The following SLC67A1 variants were observed in gnomAD, a reference collection of about 807,000 sequenced individuals.
SLC67A1 encodes the protein solute carrier family 67 member 1, also known as solute carrier family 67 member A1.
chr11:2,904,971 A>G, the SLC67A1 span, among the ~76,000 whole-genome samples: 4 of 152,290 alleles, frequency 2.6e-5, no homozygotes, highest in East Asian at 5.8e-4. Flanking sequence ...TGTGTTGTCA[A>G]TGGACTGTAG....
chr11:2,903,528 G>A, the SLC67A1 span: 5 of 1,608,334 alleles, frequency 3.1e-6, no homozygotes, highest in Non-Finnish European at 4.3e-6. Context: ...CCCAGCCAGG[G>A]CTGAACCGCT....
chr11:2,908,482 A>G, the SLC67A1 span: 1 of 598,774 alleles, frequency 1.7e-6, no homozygotes, highest in Non-Finnish European at 2.9e-6. Context: ...GGGGTGCAGA[A>G]GAACTTTGGC....
chr11:2,914,942 C>T, the SLC67A1 span: 8 of 985,296 alleles, frequency 8.1e-6, no homozygotes, highest in East Asian at 1.1e-4. Context: ...CGAGCCCAGC[C>T]GTTCCCCTTC....
At chr11:2,915,483 G>A in the SLC67A1 span, among the ~76,000 whole-genome samples, 1 of 152,100 alleles carries the variant, frequency 6.6e-6, no homozygotes, top group Non-Finnish European at 1.5e-5. Context: ...TTGAGGTTGG[G>A]GCAGAACTTG....
chr11:2,921,557 T>C, the SLC67A1 span: 1 of 162,308 alleles, frequency 6.2e-6, no homozygotes, highest in South Asian at 1.2e-4. Context: ...CGGCCAAGCC[T>C]GTCCCACCGA....
the SLC67A1 span, among the ~76,000 whole-genome samples, chr11:2,922,793 G>C: frequency 6.6e-6 from 1 of 152,116 alleles, no homozygotes; most frequent in African/African-American, 2.4e-5. Flanking sequence ...GCTGGGGGCA[G>C]GCCAGGGGCC....
chr11:2,920,986 C>A, the SLC67A1 span: 1 of 150,690 alleles, frequency 6.6e-6, no homozygotes, highest in South Asian at 2.1e-4. Flanking sequence ...TTTGGGAGAC[C>A]GAGGCGGGCG....
chr11:2,912,648 A>G, the SLC67A1 span, among the ~76,000 whole-genome samples: 6 of 152,242 alleles, frequency 3.9e-5, no homozygotes, highest in African/African-American at 1.4e-4. Context: ...GGGCACTGGT[A>G]TAACTGGTTT....
chr11:2,922,137 C>A, the SLC67A1 span: 2 of 1,613,536 alleles, frequency 1.2e-6, no homozygotes, highest in Non-Finnish European at 1.7e-6. Flanking sequence ...AGCTGAGCAG[C>A]CACTTCTCGG....
At chr11:2,907,083 G>A in the SLC67A1 span, among the ~76,000 whole-genome samples, 4 of 151,882 alleles carry the variant, frequency 2.6e-5, no homozygotes, top group African/African-American at 9.7e-5. This position sits in a 1 kb window ranked among gnomAD's most constrained non-coding sequence, Gnocchi z 6.7. Flanking sequence ...AGGAGTCTGG[G>A]GTTGGGGATG....
At chr11:2,917,848 T>C in the SLC67A1 span, 6 of 622,254 alleles carry the variant, frequency 9.6e-6, no homozygotes, top group African/African-American at 1.9e-5. Flanking sequence ...TTCCCACAAG[T>C]GAGCGGTGCT....
the SLC67A1 span, chr11:2,920,865 G>C: frequency 4.9e-4 from 75 of 152,276 alleles, no homozygotes; most frequent in African/African-American, 1.6e-3. Context: ...GTCCTTCACG[G>C]CACTCACTGT....
chr11:2,901,109 A>G, the SLC67A1 span, among the ~76,000 whole-genome samples: 4 of 152,186 alleles, frequency 2.6e-5, no homozygotes, highest in Non-Finnish European at 4.4e-5. Flanking sequence ...AGCTTCGGGG[A>G]AAATGGCACT....
At chr11:2,914,196 G>A in the SLC67A1 span, among the ~76,000 whole-genome samples, 1 of 152,244 alleles carries the variant, frequency 6.6e-6, no homozygotes, top group African/African-American at 2.4e-5. Context: ...AAGAGCAGGA[G>A]GAGACAAAGA....
chr11:2,923,958 GCTC>G, the SLC67A1 span, among the ~76,000 whole-genome samples: 3 of 152,186 alleles, frequency 2.0e-5, no homozygotes, highest in African/African-American at 4.8e-5. This position sits in a 1 kb window ranked among gnomAD's most constrained non-coding sequence, Gnocchi z 6.5. Context: ...GGCCTGGCCA[GCTC>G]CTCATCACAG....
At chr11:2,909,752 C>G in the SLC67A1 span, 1 of 1,420,252 alleles carries the variant, frequency 7.0e-7, no homozygotes. Context: ...GGTCAGGACG[C>G]CCGCGGCTGG....
At chr11:2,922,489 C>T in the SLC67A1 span, 23 of 1,612,828 alleles carry the variant, frequency 1.4e-5, no homozygotes, top group African/African-American at 2.7e-4. Context: ...GCCTGGTGTT[C>T]AGCCTCTGCA....
the SLC67A1 span, among the ~76,000 whole-genome samples, chr11:2,915,925 C>G: frequency 1.3e-5 from 2 of 152,240 alleles, no homozygotes; most frequent in East Asian, 3.8e-4. Context: ...GCCAAGTTTC[C>G]AGGTGGGGAC....
the SLC67A1 span, chr11:2,919,006 G>T: frequency 2.4e-4 from 91 of 375,168 alleles, no homozygotes; most frequent in South Asian, 5.2e-3. Context: ...ACAGAGAGCC[G>T]TGGTGGGTCT....
Sources: allele counts gnomAD v4.1 joint callset (sites outside exome capture counted in the v4.1 genomes callset), GRCh38; gene constraint gnomAD v4.1.1; non-coding constraint Gnocchi (gnomAD v3.1); transcripts MANE v1.5; gene names NCBI Gene and HGNC (gene_info 2026-07-23, HGNC 2026-07-21).